MACROD2: variants seen among roughly 807,000 people sequenced by gnomAD.
MACROD2 encodes the protein mono-ADP ribosylhydrolase 2, also known as ADP-ribose glycohydrolase MACROD2.
In MACROD2, 36 loss-of-function variants were observed where a neutral mutation model predicts 70.4. The ratio of observed to expected loss-of-function variants is 0.51; its 90% confidence interval spans 0.39 to 0.68. The LOEUF (loss-of-function observed/expected upper bound fraction) is 0.68, where lower values mean the gene tolerates loss of function less well. Among genes scored for constraint, MACROD2 ranks in the 30% least tolerant of loss-of-function variants. The pLI, the probability that MACROD2 is intolerant of heterozygous loss-of-function variation, is 0.00. For synonymous variants in MACROD2, 172 were observed against 178.8 expected (o/e 0.96, Z 0.30); for missense variants, 496 against 538.4 (o/e 0.92, Z 0.78).
intron 5 of MACROD2, among the ~76,000 whole-genome samples, chr20:14,963,025 T>C (rs2074598759): frequency 6.6e-6 from 1 of 152,158 alleles, no homozygotes; most frequent in South Asian, 2.1e-4. Flanking sequence ...TTTAAGATAG[T>C]TTAGGACTCC....
chr20:15,631,797 G>C (rs953009399), intron 8 of MACROD2, among the ~76,000 whole-genome samples: 1 of 152,172 alleles, frequency 6.6e-6, no homozygotes, highest in Non-Finnish European at 1.5e-5. Flanking sequence ...CTTACCTGCA[G>C]ACATTTTGAT....
intron 6 of MACROD2, among the ~76,000 whole-genome samples, chr20:15,332,446 A>T (rs1213679981): frequency 6.6e-6 from 1 of 151,642 alleles, no homozygotes. Context: ...TGGGCCTCAC[A>T]GGCCAGCATT....
intron 5 of MACROD2, among the ~76,000 whole-genome samples, chr20:14,915,064 G>T (rs2039095952): frequency 6.6e-6 from 1 of 152,140 alleles, no homozygotes; most frequent in African/African-American, 2.4e-5. Flanking sequence ...GTGTTTTTAA[G>T]ATCTCTTTCT....
chr20:14,568,367 G>A (rs1568675095), intron 4 of MACROD2, among the ~76,000 whole-genome samples: 1 of 151,974 alleles, frequency 6.6e-6, no homozygotes, highest in Non-Finnish European at 1.5e-5. Context: ...ATGGCAATTT[G>A]TCGCCTTTAT....
intron 8 of MACROD2, among the ~76,000 whole-genome samples, chr20:15,507,608 G>C (rs572328408): frequency 6.6e-6 from 1 of 151,492 alleles, no homozygotes; most frequent in Non-Finnish European, 1.5e-5. Context: ...TTTGTGACAA[G>C]CAGTTATTGT....
intron 3 of MACROD2, among the ~76,000 whole-genome samples, chr20:14,160,609 T>C (rs1387713806): frequency 6.6e-6 from 1 of 152,128 alleles, no homozygotes; most frequent in African/African-American, 2.4e-5. Context: ...GTCTTTGCTC[T>C]TCTTTTCTGT....
chr20:14,820,551 A>G (rs2072831938), intron 5 of MACROD2, among the ~76,000 whole-genome samples: 1 of 151,946 alleles, frequency 6.6e-6, no homozygotes. Flanking sequence ...TCACCAGTGT[A>G]ATTAAGTGAG....
chr20:14,391,933 C>T (rs1214424002), intron 3 of MACROD2, among the ~76,000 whole-genome samples: 1 of 150,928 alleles, frequency 6.6e-6, no homozygotes, highest in African/African-American at 2.4e-5. Context: ...GCAATATACC[C>T]ATGTAACAGA....
At chr20:15,210,921 C>A (rs1404592584) in intron 5 of MACROD2, among the ~76,000 whole-genome samples, 2 of 152,116 alleles carry the variant, frequency 1.3e-5, no homozygotes, top group African/African-American at 2.4e-5. Flanking sequence ...TATAAGTTAC[C>A]CAGTCTCAGG....
At chr20:14,863,824 A>T (rs1412241071) in intron 5 of MACROD2, among the ~76,000 whole-genome samples, 1 of 152,124 alleles carries the variant, frequency 6.6e-6, no homozygotes, top group Non-Finnish European at 1.5e-5. Context: ...GTCCAAAATC[A>T]TGTAGCTAGA....
At chr20:14,742,040 G>A (rs1445467908) in intron 5 of MACROD2, among the ~76,000 whole-genome samples, 2 of 152,128 alleles carry the variant, frequency 1.3e-5, no homozygotes, top group Admixed American at 6.5e-5. Flanking sequence ...AACACAGATA[G>A]AAGTGTCATT....
intron 13 of MACROD2, among the ~76,000 whole-genome samples, chr20:15,984,843 G>T (rs1012828445): frequency 8.5e-5 from 13 of 152,102 alleles, no homozygotes; most frequent in African/African-American, 3.1e-4. Context: ...CTTAGAATTG[G>T]TATAGATGGC....
chr20:15,561,412 C>G (rs1456302760), intron 8 of MACROD2, among the ~76,000 whole-genome samples: 1 of 152,164 alleles, frequency 6.6e-6, no homozygotes, highest in Non-Finnish European at 1.5e-5. Flanking sequence ...TACTCAACAG[C>G]TAAGTTTCAC....
At chr20:15,862,938 C>A (rs189597920) in intron 9 of MACROD2, 112 bp downstream of exon 9, 2 of 738,998 alleles carry the variant, frequency 2.7e-6, no homozygotes, top group Non-Finnish European at 4.3e-6. Flanking sequence ...GGTGATCCTG[C>A]CAACTTGTAT....
At chr20:15,428,703 C>A (rs1037480138) in intron 6 of MACROD2, among the ~76,000 whole-genome samples, 55 of 152,166 alleles carry the variant, frequency 3.6e-4, no homozygotes, top group African/African-American at 1.3e-3. Flanking sequence ...TTAACTGCAT[C>A]TTTCAGTCAT....
chr20:15,468,215 A>G (rs1453130157), intron 7 of MACROD2, among the ~76,000 whole-genome samples: 1 of 152,218 alleles, frequency 6.6e-6, no homozygotes, highest in Non-Finnish European at 1.5e-5. Context: ...AATTAGATGC[A>G]GGACCCCTTT....
chr20:15,351,031 T>C (rs2146223797), intron 6 of MACROD2, among the ~76,000 whole-genome samples: 2 of 152,004 alleles, frequency 1.3e-5, no homozygotes, highest in Non-Finnish European at 2.9e-5. Flanking sequence ...ATTTGCCTTC[T>C]TGTAAATATT....
intron 4 of MACROD2, among the ~76,000 whole-genome samples, chr20:14,546,926 CT>C (rs369350423): frequency 7.4e-5 from 11 of 147,904 alleles, no homozygotes; most frequent in Admixed American, 3.4e-4. Flanking sequence ...TGTATTTTCT[CT>C]TTTTTTTTTC....
chr20:14,626,253 G>A (rs545891186), intron 4 of MACROD2, among the ~76,000 whole-genome samples: 1 of 152,280 alleles, frequency 6.6e-6, no homozygotes, highest in Non-Finnish European at 1.5e-5. Flanking sequence ...CTTCCTAGAA[G>A]CTGTCAGCCT....
Sources: gnomAD v4.1 joint callset for allele counts (sites outside exome capture counted in the v4.1 genomes callset) on GRCh38, gnomAD v4.1.1 for gene constraint, MANE v1.5 for transcripts, NCBI Gene and HGNC (gene_info 2026-07-23, HGNC 2026-07-21) for gene names.